MANSC4: variants seen among roughly 807,000 people sequenced by gnomAD.
MANSC4 encodes MANSC domain containing 4.
Under a neutral mutation model 11.4 loss-of-function variants are expected in MANSC4, and 11 were observed. The ratio of observed to expected loss-of-function variants is 0.97; its 90% CI spans 0.61 to 1.60. MANSC4 has a LOEUF of 1.60. Among genes scored for constraint, MANSC4 ranks in the 40% most tolerant of loss-of-function variants. The pLI is 0.00. For missense variants in MANSC4, 354 were observed against 404.6 expected (o/e 0.88, Z 1.07); for synonymous variants, 123 against 147.1 (o/e 0.84, Z 1.19).
intron 1 of MANSC4, among the ~76,000 whole-genome samples, chr12:27,778,387 G>C (rs1380867903): frequency 6.6e-6 from 1 of 151,996 alleles, no homozygotes; most frequent in Non-Finnish European, 1.5e-5. Flanking sequence ...TATGTTGAAA[G>C]GATCTCATGT....
intron 2 of MANSC4, among the ~76,000 whole-genome samples, chr12:27,767,732 T>C (rs184494306): frequency 1.4e-4 from 21 of 152,080 alleles, no homozygotes; most frequent in African/African-American, 5.1e-4. Flanking sequence ...ACCCTGGGGA[T>C]TTATATATCA....
intron 1 of MANSC4, among the ~76,000 whole-genome samples, chr12:27,773,099 G>A (rs1290454870): frequency 6.6e-6 from 1 of 152,152 alleles, no homozygotes; most frequent in Non-Finnish European, 1.5e-5. Flanking sequence ...TCCCAGCACT[G>A]TGGGAGGCTG....
rs542321634 is a variant in MANSC4, at chr12:27,778,823, G to A, written c.-307+1387C>T. Among the ~76,000 whole-genome samples the A allele has an allele frequency of 1.6e-4, 24 of 152,208 alleles. No individual in the cohort carries two copies. In the South Asian group the frequency reaches 5.0e-3, roughly 32 times the overall value. ...AAAAAGTCCTTCCTATTATTATTTG[G>A]GGTGGGCCTTCTAATTGCAATGTTC... is the stretch of plus-strand genomic sequence containing the variant. On this transcript the variant is annotated intron_variant, in intron 1 of 3. Coordinates refer to ENST00000381273, the MANE Select transcript of MANSC4 (RefSeq NM_001146221.5).
chr12:27,762,950 T>G lies in MANSC4; in HGVS notation c.811A>C (p.Thr271Pro). Residue 271 changes from threonine (T) to proline (P), a missense_variant, in exon 4 of 4, where the codon ACA becomes CCA. Coordinates refer to ENST00000381273, the MANE Select transcript of MANSC4 (RefSeq NM_001146221.5). ...GATACCTCATCTTCATTTGCAGATG[T>G]GTGGTTTCTGCTATTGTATCCTTTG... is the stretch of plus-strand genomic sequence containing the variant. ...KTKGYNSRNH[T>P]SANEDEVSVT... is the part of the protein sequence containing the mutation. 6.4e-7 allele frequency: 1 copy of G among 1,551,906 alleles called. No individual in the cohort carries two copies. The highest frequency in any genetic ancestry group is 8.7e-7 in the Non-Finnish European group (1 of 1,147,050).
chr12:27,771,244 T>C lies in MANSC4; in HGVS notation c.33A>G (p.Ile11Met), dbSNP rs767012651. 6.4e-7 allele frequency: 1 copy of C among 1,551,200 alleles called. No homozygotes were observed. Among genetic ancestry groups the C allele is most frequent in the Non-Finnish European group, 8.7e-7 (1 of 1,147,084 alleles). ...ATGTCCACCCCATGCTTAGGAGCAA[T>C]ATCACGTTCACTGCTACCTCTGCCA... MHVAEVAVNV[I>M]LLLSMGWTSD... Residue 11 changes from isoleucine (I) to methionine (M), a missense_variant, in exon 2 of 4, where the codon ATA becomes ATG. Transcript: ENST00000381273.
At chr12:27,777,433 G>A (rs2062123235) in intron 1 of MANSC4, among the ~76,000 whole-genome samples, 1 of 152,158 alleles carries the variant, frequency 6.6e-6, no homozygotes, top group African/African-American at 2.4e-5. Flanking sequence ...ACGCATCCCA[G>A]CAAAATTCCC....
At chr12:27,775,024 A>T (rs10842980) in intron 1 of MANSC4, among the ~76,000 whole-genome samples, 1,530 of 112,840 alleles carry the variant, frequency 0.014, 85 homozygotes, top group Admixed American at 0.026. Flanking sequence ...ATTCCGTCTC[A>T]AAATAAATAA....
intron 1 of MANSC4, chr12:27,779,796 G>C (rs1344607445): frequency 6.6e-6 from 1 of 152,136 alleles, no homozygotes; most frequent in East Asian, 1.9e-4. Flanking sequence ...GTACCCCGGA[G>C]CATCACTGCA....
At chr12:27,776,015 A>G (rs769361395) in intron 1 of MANSC4, among the ~76,000 whole-genome samples, 28 of 148,234 alleles carry the variant, frequency 1.9e-4, no homozygotes, top group Non-Finnish European at 3.4e-4. Context: ...GCTTGAACCC[A>G]GGAGGCTGAG....
At chr12:27,766,849 CA>C (rs2062074635) in intron 2 of MANSC4, 50 bp from the exon 3 acceptor site, 2 of 1,533,856 alleles carry the variant, frequency 1.3e-6, no homozygotes, top group Non-Finnish European at 1.8e-6. Flanking sequence ...CAATTTGCAC[CA>C]ATTTCATGAA....
chr12:27,775,071 G>T (rs1370848413), intron 1 of MANSC4, among the ~76,000 whole-genome samples: 2 of 145,430 alleles, frequency 1.4e-5, no homozygotes, highest in Non-Finnish European at 3.0e-5. Flanking sequence ...AAATAAATAA[G>T]ATTACTTTCC....
At chr12:27,774,028 A>T (rs180871842) in intron 1 of MANSC4, among the ~76,000 whole-genome samples, 237 of 152,214 alleles carry the variant, frequency 1.6e-3, no homozygotes, top group Non-Finnish European at 2.4e-3. Context: ...CACGGCTGTA[A>T]TCCCAGCTAC....
At position 27,763,016 on chromosome 12, in the gene MANSC4, G is replaced by A; in HGVS notation, c.745C>T (p.Pro249Ser). The A allele has an allele frequency of 6.4e-7, 1 of 1,551,682 alleles. No homozygotes were observed. Residue 249 changes from proline to serine, a missense_variant, in exon 4 of 4, where the codon CCA becomes TCA. Coordinates refer to ENST00000381273, the MANE Select transcript of MANSC4 (RefSeq NM_001146221.5). ...TGTTTGCTACTGTTGAGTCCAGGTG[G>A]AACAGGCATATGAGAAAGTTTTGTG... ...IDTKLSHMPV[P>S]PGLNSSKQLL...
In MANSC4 at chr12:27,762,620, G is replaced by T; in HGVS notation, c.*118C>A. The T allele has an allele frequency of 3.9e-6, 4 of 1,020,064 alleles. No homozygotes were observed. The highest frequency in any genetic ancestry group is 5.5e-6 in the Non-Finnish European group (4 of 730,304). 63.2% of individuals were successfully genotyped at this position (1,020,064 alleles called of 1,614,324 possible). On this transcript the variant is annotated 3_prime_UTR_variant, in exon 4 of 4. Coordinates refer to ENST00000381273, the MANE Select transcript of MANSC4 (RefSeq NM_001146221.5). ...ACTGCCTTGGCTTCCCAAAGTTTTG[G>T]GATTACAGGCATGAACCACCACGCC...
intron 1 of MANSC4, among the ~76,000 whole-genome samples, chr12:27,778,166 A>G (rs902547353): frequency 4.0e-5 from 6 of 151,596 alleles, no homozygotes; most frequent in African/African-American, 1.5e-4. Flanking sequence ...TGGAGGTTGC[A>G]GAAAGCTGAG....
At chr12:27,770,338 C>T (rs962934985) in intron 2 of MANSC4, among the ~76,000 whole-genome samples, 8 of 152,034 alleles carry the variant, frequency 5.3e-5, no homozygotes, top group African/African-American at 1.9e-4. Context: ...CTGCCACCAC[C>T]CCTGGCTAAT....
intron 1 of MANSC4, among the ~76,000 whole-genome samples, chr12:27,772,625 A>G (rs1169856068): frequency 6.6e-6 from 1 of 152,266 alleles, no homozygotes; most frequent in Non-Finnish European, 1.5e-5. Flanking sequence ...TGCCTAAGCC[A>G]CATAGAATAC....
intron 1 of MANSC4, among the ~76,000 whole-genome samples, chr12:27,778,391 C>T (rs1591811590): frequency 6.6e-6 from 1 of 152,056 alleles, no homozygotes; most frequent in African/African-American, 2.4e-5. Context: ...TTGAAAGGAT[C>T]TCATGTTTCA....
Position 27,762,985 on chromosome 12 carries a change from A to G in MANSC4, c.776T>C (p.Leu259Pro). ...PPGLNSSKQL[L>P]NKTKGYNSRN... ...GCTATTGTATCCTTTGGTTTTGTTT[A>G]GTAATTGTTTGCTACTGTTGAGTCC... Residue 259 changes from leucine (L) to proline (P), a missense_variant, in exon 4 of 4, where the codon CTA becomes CCA. Transcript: ENST00000381273. The G allele has an allele frequency of 6.4e-7, 1 of 1,551,790 alleles. No homozygotes were observed. Among genetic ancestry groups the G allele is most frequent in the Non-Finnish European group, 8.7e-7 (1 of 1,147,028 alleles).
Sources: gnomAD v4.1 joint callset for allele counts (sites outside exome capture counted in the v4.1 genomes callset) on GRCh38, gnomAD v4.1.1 for gene constraint, MANE v1.5 for transcripts, NCBI Gene and HGNC (gene_info 2026-07-23, HGNC 2026-07-21) for gene names.